The following PDLIM3 variants were observed in gnomAD, a reference collection of about 807,000 sequenced individuals.
PDLIM3 encodes PDZ and LIM domain protein 3.
PDLIM3 carries 36 observed loss-of-function variants against 37.3 expected under a neutral mutation model. That is an observed-to-expected ratio of 0.97 (90% confidence interval 0.74 to 1.28). The LOEUF is 1.28. PDLIM3 is among the 50% of genes most tolerant of loss of function. The pLI, the probability that PDLIM3 is intolerant of heterozygous loss-of-function variation, is 0.00. For synonymous variants in PDLIM3, 174 were observed against 182.4 expected (o/e 0.95, Z 0.37); for missense variants, 454 against 485.0 (o/e 0.94, Z 0.60).
intron 1 of PDLIM3, among the ~76,000 whole-genome samples, chr4:185,526,761 C>A (rs2095734911): frequency 6.6e-6 from 1 of 152,114 alleles, no homozygotes; most frequent in Admixed American, 6.6e-5. Flanking sequence ...TCATGTAGGC[C>A]AAGCTTGTGC....
chr4:185,523,914 G>A (rs760464366), intron 2 of PDLIM3, among the ~76,000 whole-genome samples: 3 of 151,454 alleles, frequency 2.0e-5, no homozygotes, highest in Non-Finnish European at 2.9e-5. Flanking sequence ...CACCACACCC[G>A]GCCGAAGTCG....
chr4:185,510,853 C>T (rs1425178818), intron 4 of PDLIM3, among the ~76,000 whole-genome samples: 2 of 152,154 alleles, frequency 1.3e-5, no homozygotes, highest in African/African-American at 4.8e-5. Context: ...AATTTCTGGG[C>T]CAATTTAAAA....
In PDLIM3 at chr4:185,514,462, G is replaced by A; in HGVS notation, c.331-125C>T. 6.4e-7 allele frequency: 1 copy of A among 1,574,452 alleles called. No individual in the cohort carries two copies. The highest frequency in any genetic ancestry group is 8.7e-7 in the Non-Finnish European group (1 of 1,152,702). The stretch of plus-strand genomic sequence containing the variant: ...CCAACTACTGTCATAACTAAGAAAG[G>A]CGATGACGGGACCAGGACGATGTCT... On this transcript the variant is annotated intron_variant, in intron 3 of 7. Transcript: ENST00000284767. The surrounding 1 kb of genome is among the most constrained non-coding windows in gnomAD (Gnocchi z 4.0).
intron 1 of PDLIM3, among the ~76,000 whole-genome samples, chr4:185,530,967 A>AACACACACAC: frequency 3.9e-5 from 2 of 51,492 alleles, no homozygotes; most frequent in Non-Finnish European, 7.9e-5. Flanking sequence ...CATGCATAGA[A>AACACACACAC]ACACACACAC....
intron 1 of PDLIM3, among the ~76,000 whole-genome samples, chr4:185,532,703 A>T (rs2095746765): frequency 6.6e-6 from 1 of 152,220 alleles, no homozygotes; most frequent in Non-Finnish European, 1.5e-5. Flanking sequence ...TTGTGCAAAG[A>T]CACGCATTTC....
intron 4 of PDLIM3, chr4:185,512,708 T>TCA (rs1226747461): frequency 1.0e-6 from 1 of 984,994 alleles, no homozygotes; most frequent in Non-Finnish European, 1.2e-6. Flanking sequence ...GTGGGTGGAC[T>TCA]CAGTCACACT....
chr4:185,506,179 G>A (rs1486824564), intron 6 of PDLIM3, among the ~76,000 whole-genome samples: 2 of 152,182 alleles, frequency 1.3e-5, no homozygotes, highest in African/African-American at 4.8e-5. Context: ...TTTGATGATG[G>A]TGATACTCCA....
Position 185,531,943 on chromosome 4 carries a change from A to T in PDLIM3, c.93+3399T>A, listed in dbSNP as rs1387521478. ...ATCTCTACTAAAAAAAAAAAAAAAA[A>T]AAAAATTAGCTGGGTATGGTGGCGG... On this transcript the variant is annotated intron_variant, in intron 1 of 7. Coordinates refer to ENST00000284767, the MANE Select transcript of PDLIM3 (RefSeq NM_014476.6). Among the ~76,000 whole-genome samples, 73 of 150,772 alleles carry T rather than the reference A, an allele frequency of 4.8e-4. 1 individual carries two copies. Among genetic ancestry groups the T allele is most frequent in the African/African-American group, 1.6e-3 (68 of 41,232 alleles).
intron 1 of PDLIM3, among the ~76,000 whole-genome samples, chr4:185,526,821 T>C (rs955096337): frequency 6.6e-6 from 1 of 152,190 alleles, no homozygotes; most frequent in Non-Finnish European, 1.5e-5. Context: ...AATGCTTCCC[T>C]TACTCTTCAC....
At chr4:185,535,129 G>A (rs2095751285) in intron 1 of PDLIM3, among the ~76,000 whole-genome samples, 2 of 152,202 alleles carry the variant, frequency 1.3e-5, no homozygotes, top group African/African-American at 4.8e-5. Flanking sequence ...CCTTTAGAGC[G>A]GACTTTGTCA....
At chr4:185,517,200 A>G (rs756231874) in intron 3 of PDLIM3, 6 of 152,188 alleles carry the variant, frequency 3.9e-5, no homozygotes, top group Non-Finnish European at 8.8e-5. Flanking sequence ...AAGTAATGAC[A>G]ATGGCCATGA....
At chr4:185,517,145 G>GA (rs893977916) in intron 3 of PDLIM3, 2 of 152,158 alleles carry the variant, frequency 1.3e-5, no homozygotes, top group African/African-American at 4.8e-5. Context: ...TGATTAACCA[G>GA]TATAATTAGC....
In PDLIM3 at chr4:185,502,232, A is replaced by C; in HGVS notation, c.*62T>G. The C allele has an allele frequency of 4.0e-6, 6 of 1,511,140 alleles. No individual in the cohort carries two copies. The highest frequency in any genetic ancestry group is 5.5e-6 in the Non-Finnish European group (6 of 1,086,848). 93.6% of individuals were successfully genotyped at this position (1,511,140 alleles called of 1,614,324 possible). ...CACAATCCTTCTGCCCAAAGCCATG[A>C]ATGTCTTCTCGTGTAAGTGCGCGTG... On this transcript the variant is annotated 3_prime_UTR_variant, in exon 8 of 8. Transcript: ENST00000284767.
At chr4:185,513,730 A>T (rs527442948) in intron 4 of PDLIM3, 1 of 1,012,712 alleles carries the variant, frequency 9.9e-7, no homozygotes, top group East Asian at 9.4e-5. Flanking sequence ...CTGTTTCCTG[A>T]TTTGGCAATA....
At chr4:185,529,137 C>T (rs1050080983) in intron 1 of PDLIM3, among the ~76,000 whole-genome samples, 22 of 152,148 alleles carry the variant, frequency 1.4e-4, no homozygotes, top group African/African-American at 5.3e-4. Context: ...ACCATGTTTT[C>T]AAACTTGTGT....
At chr4:185,518,348 C>T (rs773563843) in intron 3 of PDLIM3, among the ~76,000 whole-genome samples, 1 of 152,134 alleles carries the variant, frequency 6.6e-6, no homozygotes, top group Non-Finnish European at 1.5e-5. Context: ...TACTTGGAGA[C>T]TGCTCACAGA....
rs1478354863 is a variant in PDLIM3 at position 185,514,877 on chromosome 4, A to G, written c.331-540T>C. 1.1e-5 allele frequency: 17 copies of G among 1,550,808 alleles called. No homozygotes were observed. Among genetic ancestry groups the G allele is most frequent in the African/African-American group, 2.7e-5 (2 of 73,012 alleles). ...GGCCCTTCTGTTGTGCGCGGTACCA[A>G]TGGGTTTGAATTCCTGTACAATGGC... On this transcript the variant is annotated intron_variant, in intron 3 of 7. Transcript: ENST00000284767. The surrounding 1 kb of genome is among the most constrained non-coding windows in gnomAD (Gnocchi z 4.0).
Position 185,504,647 on chromosome 4 carries a change from C to T in PDLIM3, c.794-61G>A, listed in dbSNP as rs924594835. ...ACAGCTGGCCGCAGCCTGTGCTTGG[C>T]TTCTATTTTAAAGTGTGCACTTTAA... On this transcript the variant is annotated intron_variant, in intron 6 of 7. Coordinates refer to ENST00000284767, the MANE Select transcript of PDLIM3 (RefSeq NM_014476.6). This position sits in a 1 kb window ranked among gnomAD's most constrained non-coding sequence, Gnocchi z 4.7. 5 of 1,359,550 alleles carry T rather than the reference C, an allele frequency of 3.7e-6. No individual in the cohort carries two copies. Among genetic ancestry groups the T allele is most frequent in the Non-Finnish European group, 4.1e-6 (4 of 964,264 alleles). The allele number at this position is 1,359,550 out of a possible 1,614,324, so 84.2% of individuals were successfully genotyped here.
At position 185,524,652 on chromosome 4, in the gene PDLIM3, C is replaced by CTCCAT. The variant is rs879898369; in HGVS notation, c.245+363_245+367dup. On this transcript the variant is annotated intron_variant, in intron 2 of 7. Coordinates refer to ENST00000284767, the MANE Select transcript of PDLIM3 (RefSeq NM_014476.6). Reference sequence around the variant, plus strand: ...TCAAGAGATTATTTCAGGGGAATCTCTCCATTCCATTCCATTCCATTCCAT... The same window carrying CTCCAT: ...TCAAGAGATTATTTCAGGGGAATCTCTCCATTCCATTCCATTCCATTCCATTCCAT... Among the ~76,000 whole-genome samples, 298 of 152,238 alleles carry CTCCAT rather than the reference C, an allele frequency of 2.0e-3. 1 individual carries two copies. Among genetic ancestry groups the CTCCAT allele is most frequent in the African/African-American group, 6.6e-3 (274 of 41,556 alleles).
Sources: allele counts gnomAD v4.1 joint callset (sites outside exome capture counted in the v4.1 genomes callset), GRCh38; gene constraint gnomAD v4.1.1; non-coding constraint Gnocchi (gnomAD v3.1); transcripts MANE v1.5; gene names NCBI Gene and HGNC (gene_info 2026-07-23, HGNC 2026-07-21).